ARMC8: variants seen among roughly 807,000 people sequenced by gnomAD.
The protein encoded by ARMC8 is armadillo repeat containing 8, also known as armadillo repeat-containing protein 8.
ARMC8 carries 20 observed loss-of-function variants against 99.3 expected under a neutral mutation model. That is an observed-to-expected ratio of 0.20 (90% CI 0.14 to 0.29). ARMC8 has a LOEUF of 0.29. Among genes scored for constraint, ARMC8 ranks in the 10% least tolerant of loss-of-function variants. The pLI is 1.00. For synonymous variants in ARMC8, 263 were observed against 278.3 expected, an observed-to-expected ratio of 0.95 and a Z score of 0.55; for missense variants, 569 against 809.5, an observed-to-expected ratio of 0.70 and a Z score of 3.60.
Position 138,187,605 on chromosome 3 carries a change from T to A in ARMC8, c.45+6T>A. ...TCCGCATGAGCGTCCTTTCGGTGAG[T>A]GACCCGCCGCGGCCGCCCGCCCGCC... On this transcript the variant is annotated splice_donor_region_variant and intron_variant, in intron 1 of 21. Coordinates refer to ENST00000469044, the MANE Select transcript of ARMC8 (RefSeq NM_001363941.2). The A allele has an allele frequency of 6.5e-7, 1 of 1,535,458 alleles. No homozygotes were observed. Among genetic ancestry groups the A allele is most frequent in the Non-Finnish European group, 8.7e-7 (1 of 1,146,476 alleles).
intron 12 of ARMC8, among the ~76,000 whole-genome samples, chr3:138,255,651 G>C (rs1034609811): frequency 1.1e-4 from 16 of 152,212 alleles, no homozygotes; most frequent in African/African-American, 3.1e-4. Flanking sequence ...TCAGTGATCT[G>C]TTCTAAGAGA....
chr3:138,251,896 A>G (rs2047137251), intron 12 of ARMC8, among the ~76,000 whole-genome samples: 1 of 152,244 alleles, frequency 6.6e-6, no homozygotes, highest in African/African-American at 2.4e-5. Context: ...CAGAGGTTAT[A>G]TACACCAAGA....
At chr3:138,291,226 G>A (rs751187436) in intron 21 of ARMC8, among the ~76,000 whole-genome samples, 3 of 152,172 alleles carry the variant, frequency 2.0e-5, no homozygotes, top group Non-Finnish European at 4.4e-5. Flanking sequence ...GGGAACATCA[G>A]TACTTTTGAG....
At chr3:138,222,268 G>A (rs1303531611) in intron 3 of ARMC8, among the ~76,000 whole-genome samples, 1 of 152,198 alleles carries the variant, frequency 6.6e-6, no homozygotes, top group Non-Finnish European at 1.5e-5. Context: ...AAGTACATAT[G>A]CAATGTACAA....
intron 9 of ARMC8, 141 bp from the exon 10 acceptor site, chr3:138,239,327 G>A: frequency 1.7e-6 from 1 of 578,156 alleles, no homozygotes; most frequent in Non-Finnish European, 3.0e-6. Flanking sequence ...CCTCCGAAAA[G>A]CGAATTGTCA....
chr3:138,245,239 C>T (rs371795830), intron 12 of ARMC8, 56 bp downstream of exon 12: 25 of 1,613,956 alleles, frequency 1.5e-5, no homozygotes, highest in South Asian at 8.8e-5. Flanking sequence ...CAGGGAGTGA[C>T]GTCAACCTGA....
Position 138,234,927 on chromosome 3 carries a change from G to T in ARMC8, c.529-107G>T, listed in dbSNP as rs984405353. The stretch of plus-strand genomic sequence containing the variant: ...AGTTTATTTAAGCAAAGAGTAACAG[G>T]ATTCTGTACTGTAGTGAATGTGGTT... On this transcript the variant is annotated intron_variant, in intron 6 of 21. Transcript: ENST00000469044. 2.2e-5 allele frequency: 18 copies of T among 833,270 alleles called. No homozygotes were observed. The African/African-American group carries it at 3.1e-4, about 14-fold the overall frequency. The allele number at this position is 833,270 out of a possible 1,614,324, so 51.6% of individuals were successfully genotyped here. A position where few individuals can be genotyped will look rare whatever the true frequency, so the allele number is the denominator to read the frequency against.
intron 2 of ARMC8, among the ~76,000 whole-genome samples, chr3:138,213,832 T>G (rs1426913527): frequency 6.6e-6 from 1 of 152,170 alleles, no homozygotes; most frequent in Non-Finnish European, 1.5e-5. Context: ...TTAGAGCACT[T>G]GATCTGGTTT....
At position 138,241,049 on chromosome 3, in the gene ARMC8, CAAAAAA is replaced by C. The variant is rs201138092; in HGVS notation, c.838-730_838-725del. 5.5e-4 allele frequency among the ~76,000 whole-genome samples: 83 copies of C among 149,554 alleles called. 1 individual carries two copies. In the East Asian group the frequency reaches 0.015, roughly 28 times the overall value. Reference sequence around the variant, plus strand: ...TGGGCGACAGAGCGAGACTCCGTCTCAAAAAAAAAGAAAAAGAAATAGTAAATGTCT... The same window carrying C: ...TGGGCGACAGAGCGAGACTCCGTCTCAAAGAAAAAGAAATAGTAAATGTCT... On this transcript the variant is annotated intron_variant, in intron 10 of 21. Transcript: ENST00000469044.
At chr3:138,285,583 A>G (rs1490792124) in intron 19 of ARMC8, among the ~76,000 whole-genome samples, 2 of 152,050 alleles carry the variant, frequency 1.3e-5, no homozygotes, top group Non-Finnish European at 2.9e-5. Context: ...ATACTTTCTT[A>G]CTGGACTCTT....
intron 2 of ARMC8, among the ~76,000 whole-genome samples, chr3:138,212,698 C>T (rs771054089): frequency 2.6e-5 from 4 of 152,106 alleles, no homozygotes; most frequent in Non-Finnish European, 4.4e-5. Flanking sequence ...GATTTTTATA[C>T]ACCTCACAGT....
At chr3:138,193,663 C>T (rs1413503600) in intron 1 of ARMC8, among the ~76,000 whole-genome samples, 2 of 152,140 alleles carry the variant, frequency 1.3e-5, no homozygotes, top group East Asian at 1.9e-4. Context: ...TCCTCTTAAC[C>T]ACAATTTAAG....
intron 1 of ARMC8, among the ~76,000 whole-genome samples, chr3:138,205,857 A>T (rs1442073004): frequency 6.6e-6 from 1 of 152,252 alleles, no homozygotes; most frequent in Non-Finnish European, 1.5e-5. Context: ...ATGGCTTCCC[A>T]ACTTGGACCA....
At chr3:138,264,445 A>G (rs185174246) in intron 14 of ARMC8, among the ~76,000 whole-genome samples, 1,142 of 96,086 alleles carry the variant, frequency 0.012, 13 homozygotes, top group African/African-American at 0.044. Context: ...TTTGAGATGT[A>G]GTCTAGCTCT....
chr3:138,233,643 G>A (rs967031985), intron 6 of ARMC8, among the ~76,000 whole-genome samples: 1 of 152,148 alleles, frequency 6.6e-6, no homozygotes, highest in Non-Finnish European at 1.5e-5. Flanking sequence ...TATGATGGTC[G>A]TGCTATTCAG....
intron 14 of ARMC8, among the ~76,000 whole-genome samples, chr3:138,265,194 G>C (rs2048161871): frequency 6.6e-6 from 1 of 152,030 alleles, no homozygotes; most frequent in Admixed American, 6.6e-5. Context: ...CACCATGCCT[G>C]ACCCCTGGAT....
chr3:138,267,306 T>G (rs1375402267), intron 15 of ARMC8, 65 bp downstream of exon 15: 4 of 978,198 alleles, frequency 4.1e-6, no homozygotes, highest in Non-Finnish European at 5.9e-6. Flanking sequence ...AAATACTTTT[T>G]ATAGTAGTTG....
At chr3:138,216,439 AT>A (rs1228447293) in intron 2 of ARMC8, among the ~76,000 whole-genome samples, 1 of 152,194 alleles carries the variant, frequency 6.6e-6, no homozygotes, top group African/African-American at 2.4e-5. Context: ...CAATTCAATA[AT>A]GACAGTGGAA....
At chr3:138,187,966 T>C in intron 1 of ARMC8, 2 of 303,306 alleles carry the variant, frequency 6.6e-6, no homozygotes, top group South Asian at 5.9e-5. Context: ...CTCTGCCTTG[T>C]GAAGCGCCGG....
Sources: allele counts gnomAD v4.1 joint callset (sites outside exome capture counted in the v4.1 genomes callset), GRCh38; gene constraint gnomAD v4.1.1; transcripts MANE v1.5; gene names NCBI Gene and HGNC (gene_info 2026-07-23, HGNC 2026-07-21).